KLHL10: variants seen among roughly 807,000 people sequenced by gnomAD.
KLHL10 encodes kelch-like protein 10.
In KLHL10, 11 loss-of-function variants were observed where a neutral mutation model predicts 46.6. That is an observed-to-expected ratio of 0.24 (90% confidence interval 0.15 to 0.39). KLHL10 has a LOEUF of 0.39. KLHL10 is among the 10% of genes least tolerant of loss of function. The pLI, the probability that KLHL10 is intolerant of heterozygous loss-of-function variation, is 1.00. For missense variants in KLHL10, 475 were observed against 789.8 expected, an observed-to-expected ratio of 0.60 and a Z score of 4.78; for synonymous variants, 254 against 279.1, an observed-to-expected ratio of 0.91 and a Z score of 0.90.
chr17:41,845,237 A>G lies in KLHL10; in HGVS notation c.796A>G (p.Met266Val). The change falls in exon 3 of 5, where the codon ATG (methionine) becomes GTG (valine). Residue 266 changes from methionine (M) to valine (V), a missense_variant. Coordinates refer to ENST00000293303, the MANE Select transcript of KLHL10 (RefSeq NM_152467.5). The stretch of plus-strand genomic sequence containing the variant: ...AGTCATCATTAATGCCCTAAAGGCC[A>G]TGTATGACCTCAACATGAATGGACC... The part of the protein sequence containing the change: ...KPVIINALKA[M>V]YDLNMNGPSN... The G allele has an allele frequency of 6.2e-7, 1 of 1,614,274 alleles. No individual in the cohort carries two copies. The highest frequency in any genetic ancestry group is 1.1e-5 in the South Asian group (1 of 91,088).
chr17:41,846,529 C>T lies in KLHL10; in HGVS notation c.1303-732C>T, dbSNP rs1222134171. Reference sequence around the variant, plus strand: ...TCCAGCCTGATGACAGAGCAAGACTCCGTCTCCAAAAAAAAAAAAAAGTAA... The same window carrying T: ...TCCAGCCTGATGACAGAGCAAGACTTCGTCTCCAAAAAAAAAAAAAAGTAA... On this transcript the variant is annotated intron_variant, in intron 3 of 4. Coordinates refer to ENST00000293303, the MANE Select transcript of KLHL10 (RefSeq NM_152467.5). Among the ~76,000 whole-genome samples, 6 of 150,802 alleles carry T rather than the reference C, an allele frequency of 4.0e-5. No homozygotes were observed. In the South Asian group the frequency reaches 1.3e-3, roughly 32 times the overall value.
rs138281800 is a variant in KLHL10, at chr17:41,839,138, C to T, written c.194+1012C>T. Reference sequence around the variant, plus strand: ...TCCCGAGTAGCTGGAATTACAGGCTCCCGCCACCATGCCCAGCTAATTTTT... The same window carrying T: ...TCCCGAGTAGCTGGAATTACAGGCTTCCGCCACCATGCCCAGCTAATTTTT... On this transcript the variant is annotated intron_variant, in intron 1 of 4. Transcript: ENST00000293303. Among the ~76,000 whole-genome samples, 1,432 of 152,176 alleles carry T rather than the reference C, an allele frequency of 9.4e-3. 12 individuals carry two copies. Among genetic ancestry groups the T allele is most frequent in the South Asian group, 0.029 (138 of 4,820 alleles).
At chr17:41,836,137 C>T (rs973321298), upstream of KLHL10, 17 of 1,318,866 alleles carry the variant, frequency 1.3e-5, no homozygotes, top group African/African-American at 1.5e-5. Context: ...CCCCGGGGGT[C>T]GGAGTCCGGG....
At chr17:41,836,526 C>A, upstream of KLHL10, 1 of 916,914 alleles carries the variant, frequency 1.1e-6, no homozygotes, top group Non-Finnish European at 1.3e-6. Flanking sequence ...AAGTTTGTGA[C>A]AAAAACATGA....
At chr17:41,847,432 C>G (rs782637109) in intron 4 of KLHL10, 22 bp downstream of exon 4, 1 of 1,613,022 alleles carries the variant, frequency 6.2e-7, no homozygotes, top group Non-Finnish European at 8.5e-7. Flanking sequence ...TAGTACCACA[C>G]ACACACAAAA....
chr17:41,847,452 C>T lies in KLHL10; in HGVS notation c.1452+42C>T, dbSNP rs111268814. 473 of 1,611,842 alleles carry T rather than the reference C, an allele frequency of 2.9e-4. 6 individuals are homozygous for T. The African/African-American group carries it at 5.2e-3, about 18-fold the overall frequency. On this transcript the variant is annotated intron_variant, in intron 4 of 4. Transcript: ENST00000293303. ...CCACACACACACAAAAAACACATTACCCCTAGATTTTGTATTAGTAAATGG... is the reference window on the plus strand; with the variant it reads ...CCACACACACACAAAAAACACATTATCCCTAGATTTTGTATTAGTAAATGG...
chr17:41,844,743 T>C (rs1455040706), intron 2 of KLHL10, among the ~76,000 whole-genome samples: 1 of 152,062 alleles, frequency 6.6e-6, no homozygotes, highest in African/African-American at 2.4e-5. Context: ...GAGATGGAGT[T>C]TTGCCATGTC....
chr17:41,835,969 C>T (rs1555619934), upstream of KLHL10: 1 of 1,567,678 alleles, frequency 6.4e-7, no homozygotes, highest in South Asian at 1.2e-5. Flanking sequence ...TGTCCCGAGA[C>T]CCGAGAGAAC....
upstream of KLHL10, chr17:41,835,931 G>T: frequency 6.2e-7 from 1 of 1,601,100 alleles, no homozygotes; most frequent in East Asian, 2.3e-5. Flanking sequence ...GCCGCATCAG[G>T]ACCGTGGCCT....
At chr17:41,835,909 C>T (rs868954214), upstream of KLHL10, 1 of 1,607,840 alleles carries the variant, frequency 6.2e-7, no homozygotes, top group East Asian at 2.2e-5. Flanking sequence ...ATCTCCTGCA[C>T]CCGCCCAGGC....
chr17:41,835,834 C>T (rs1555619844), upstream of KLHL10: 2 of 1,586,758 alleles, frequency 1.3e-6, no homozygotes, highest in Non-Finnish European at 8.6e-7. Context: ...CCAGCCCGGC[C>T]GGCCCCCGCA....
At chr17:41,847,837 AG>A in intron 4 of KLHL10, 95 bp from the exon 5 acceptor site, 1 of 1,493,622 alleles carries the variant, frequency 6.7e-7, no homozygotes, top group Non-Finnish European at 9.3e-7. Context: ...ATAATGGAAG[AG>A]GGAGTTATGA....
upstream of KLHL10, among the ~76,000 whole-genome samples, chr17:41,836,788 T>G (rs1555620142): frequency 6.6e-6 from 1 of 152,090 alleles, no homozygotes; most frequent in African/African-American, 2.4e-5. Flanking sequence ...ATCATACCAC[T>G]GCACTCCACC....
chr17:41,838,419 G>A (rs782506542), intron 1 of KLHL10, among the ~76,000 whole-genome samples: 3 of 152,088 alleles, frequency 2.0e-5, no homozygotes, highest in Non-Finnish European at 2.9e-5. Flanking sequence ...ATGCTGCTAC[G>A]TCCGGCTACT....
At chr17:41,836,277 C>A, upstream of KLHL10, 1 of 1,133,318 alleles carries the variant, frequency 8.8e-7, no homozygotes, top group African/African-American at 1.7e-5. Context: ...CGCCTGGAGC[C>A]CGGGCGGGGG....
intron 2 of KLHL10, 35 bp from the exon 3 acceptor site, chr17:41,845,091 C>T (rs782785417): frequency 1.5e-5 from 25 of 1,613,866 alleles, no homozygotes; most frequent in Non-Finnish European, 1.9e-5. Context: ...GGCACTCTCA[C>T]GTCACCTGAA....
In KLHL10 at chr17:41,848,162, G is replaced by A; in HGVS notation, c.1682G>A (p.Ser561Asn). The change falls in exon 5 of 5, where the codon AGT becomes AAT. Residue 561 changes from serine to asparagine, a missense_variant. Physicochemically the swap from Ser to Asn is conservative, Grantham distance 46. Coordinates refer to ENST00000293303, the MANE Select transcript of KLHL10 (RefSeq NM_152467.5). ...TDEWYDAHDM[S>N]IYRSALSCCV... ...GAGTGGTATGATGCTCATGACATGA[G>A]TATATACCGCAGTGCTCTGAGCTGC... 6.2e-7 allele frequency: 1 copy of A among 1,614,166 alleles called. No individual in the cohort carries two copies. Among genetic ancestry groups the A allele is most frequent in the Non-Finnish European group, 8.5e-7 (1 of 1,180,040 alleles).
intron 1 of KLHL10, among the ~76,000 whole-genome samples, chr17:41,839,058 C>T (rs1452551521): frequency 6.6e-6 from 1 of 152,120 alleles, no homozygotes; most frequent in Non-Finnish European, 1.5e-5. Flanking sequence ...GTGGCGTGAT[C>T]TCGGCTCACT....
chr17:41,837,791 A>C, upstream of KLHL10: 1 of 1,498,500 alleles, frequency 6.7e-7, no homozygotes, highest in Non-Finnish European at 8.8e-7. Context: ...CTGCAGGGCC[A>C]GGATTCTGGA....
Sources: gnomAD v4.1 joint callset for allele counts (sites outside exome capture counted in the v4.1 genomes callset) on GRCh38, gnomAD v4.1.1 for gene constraint, MANE v1.5 for transcripts, NCBI Gene and HGNC (gene_info 2026-07-23, HGNC 2026-07-21) for gene names.